Variants in SLC37A2 observed in about 807,000 individuals in gnomAD.
SLC37A2 encodes solute carrier family 37 member 2, also known as glucose-6-phosphate exchanger SLC37A2.
A neutral mutation model predicts 70.7 loss-of-function variants in SLC37A2; 59 were observed. The ratio of observed to expected loss-of-function variants is 0.83; its 90% CI spans 0.68 to 1.04. The LOEUF is 1.04. Ranked by LOEUF, SLC37A2 falls within the 50% of genes least tolerant of loss-of-function variation. The pLI is 0.00. For missense variants in SLC37A2, 580 were observed against 658.1 expected (o/e 0.88, Z 1.30); for synonymous variants, 257 against 262.1 (o/e 0.98, Z 0.19).
intron 1 of SLC37A2, among the ~76,000 whole-genome samples, chr11:125,065,632 A>G (rs920273599): frequency 6.6e-6 from 1 of 152,216 alleles, no homozygotes; most frequent in African/African-American, 2.4e-5. Flanking sequence ...TATTGGCTGC[A>G]TAGAGTGAAC....
intron 12 of SLC37A2, 118 bp downstream of exon 12, chr11:125,084,437 AT>A: frequency 9.4e-7 from 1 of 1,062,450 alleles, no homozygotes; most frequent in Non-Finnish European, 1.4e-6. Context: ...ACGCGTGCAC[AT>A]GCATCATTGT....
Position 125,088,309 on chromosome 11 carries a change from G to C in SLC37A2, c.*175G>C. The C allele has an allele frequency of 1.5e-6, 1 of 683,754 alleles. No homozygotes were observed. The highest frequency in any genetic ancestry group is 2.4e-6 in the Non-Finnish European group (1 of 409,654). The allele number at this position is 683,754 out of a possible 1,614,324, so 42.4% of individuals were successfully genotyped here. A position where few individuals can be genotyped will look rare whatever the true frequency, so the allele number is the denominator to read the frequency against. ...AGGACACAGAGATTCTCCATGGGAA[G>C]GGGACTGCCAAGCATGAGGAAATAG... On this transcript the variant is annotated 3_prime_UTR_variant, in exon 18 of 18. Coordinates refer to ENST00000403796, the MANE Select transcript of SLC37A2 (RefSeq NM_001145290.2).
chr11:125,085,233 G>A (rs1949195071), intron 14 of SLC37A2, 94 bp downstream of exon 14: 57 of 1,384,390 alleles, frequency 4.1e-5, no homozygotes, highest in Admixed American at 7.2e-5. Context: ...CTCCCATCCC[G>A]CAGAGGAGAA....
Position 125,084,227 on chromosome 11 carries a change from G to T in SLC37A2, c.1040-7G>T. 1 of 1,614,226 alleles carries T rather than the reference G, an allele frequency of 6.2e-7. No homozygotes were observed. The highest frequency in any genetic ancestry group is 8.5e-7 in the Non-Finnish European group (1 of 1,180,030). On this transcript the variant is annotated splice_region_variant and splice_polypyrimidine_tract_variant and intron_variant, in intron 11 of 17. Transcript: ENST00000403796. The stretch of plus-strand genomic sequence containing the variant: ...GGAGTCAGTGCGTGAGTGGCTGTGT[G>T]TTCCAGGCGGCATCGTGGCAGGGCT...
rs992332128 is a variant in SLC37A2, at chr11:125,090,140, C to G, written c.*2006C>G. ...GCTCAGGGATTGTAAATACACCCAT[C>G]GGCACTGTGTATCTAGCTCAAGGTT... On this transcript the variant is annotated 3_prime_UTR_variant, in exon 18 of 18. Coordinates refer to ENST00000403796, the MANE Select transcript of SLC37A2 (RefSeq NM_001145290.2). 6.6e-6 allele frequency: 1 copy of G among 151,578 alleles called. No individual in the cohort carries two copies. Among genetic ancestry groups the G allele is most frequent in the Admixed American group, 6.6e-5 (1 of 15,208 alleles). The allele number at this position is 151,578 out of a possible 1,614,324, so 9.4% of individuals were successfully genotyped here.
intron 1 of SLC37A2, among the ~76,000 whole-genome samples, chr11:125,064,203 T>C (rs1400091895): frequency 1.3e-5 from 2 of 152,132 alleles, no homozygotes; most frequent in Non-Finnish European, 2.9e-5. Context: ...TCTTGAACAA[T>C]AGACGACGTG....
chr11:125,078,163 A>G (rs1404710562), intron 4 of SLC37A2, among the ~76,000 whole-genome samples: 1 of 152,228 alleles, frequency 6.6e-6, no homozygotes, highest in Non-Finnish European at 1.5e-5. Flanking sequence ...GGCAGAAGGA[A>G]TAGCACGAGC....
At position 125,070,602 on chromosome 11, in the gene SLC37A2, G is replaced by T. The variant is rs79909849; in HGVS notation, c.60-6155G>T. Reference sequence around the variant, plus strand: ...CTCTCTCAAATCTTACTTTCCTGTTGACTGCAAAGAGGTGCATGGTAAGGG... The same window carrying T: ...CTCTCTCAAATCTTACTTTCCTGTTTACTGCAAAGAGGTGCATGGTAAGGG... On this transcript the variant is annotated intron_variant, in intron 1 of 17. Coordinates refer to ENST00000403796, the MANE Select transcript of SLC37A2 (RefSeq NM_001145290.2). 5.4e-3 allele frequency among the ~76,000 whole-genome samples: 822 copies of T among 152,286 alleles called. 7 individuals are homozygous for T. Among genetic ancestry groups the T allele is most frequent in the African/African-American group, 0.018 (767 of 41,554 alleles).
At chr11:125,071,756 A>AT (rs1032939289) in intron 1 of SLC37A2, among the ~76,000 whole-genome samples, 4 of 150,942 alleles carry the variant, frequency 2.7e-5, no homozygotes, top group African/African-American at 9.8e-5. Context: ...CTTGTGTGCT[A>AT]AAGACCTGGC....
rs561397315 is a variant in SLC37A2 at position 125,090,162 on chromosome 11, G to A, written c.*2028G>A. 60 of 152,178 alleles carry A rather than the reference G, an allele frequency of 3.9e-4. No individual in the cohort carries two copies. The highest frequency in any genetic ancestry group is 1.2e-3 in the African/African-American group (49 of 41,486). The allele number at this position is 152,178 out of a possible 1,614,324, so 9.4% of individuals were successfully genotyped here. ...CATCGGCACTGTGTATCTAGCTCAA[G>A]GTTTATAAACACACCAATCAACACC... On this transcript the variant is annotated 3_prime_UTR_variant, in exon 18 of 18. Coordinates refer to ENST00000403796, the MANE Select transcript of SLC37A2 (RefSeq NM_001145290.2).
intron 17 of SLC37A2, 33 bp downstream of exon 17, chr11:125,086,051 CA>C: frequency 6.2e-7 from 1 of 1,603,126 alleles, no homozygotes; most frequent in Non-Finnish European, 8.5e-7. Context: ...GCCCCTCTAC[CA>C]ACCTCATTTC....
chr11:125,082,050 G>C, intron 9 of SLC37A2, 144 bp downstream of exon 9: 1 of 1,063,674 alleles, frequency 9.4e-7, no homozygotes, highest in East Asian at 2.5e-5. Context: ...CTTGGGGAGG[G>C]CAGTGTGGGA....
At chr11:125,079,662 C>T (rs1471089890) in intron 5 of SLC37A2, 22 bp from the exon 6 acceptor site, 6 of 1,574,286 alleles carry the variant, frequency 3.8e-6, no homozygotes, top group Non-Finnish European at 5.2e-6. Context: ...CTGTTCCCAC[C>T]CTCCCTTCTC....
chr11:125,072,075 C>T (rs1949034998), intron 1 of SLC37A2, among the ~76,000 whole-genome samples: 1 of 152,046 alleles, frequency 6.6e-6, no homozygotes, highest in African/African-American at 2.4e-5. Context: ...CTGTTTCTGA[C>T]ATCTCTCGGG....
intron 1 of SLC37A2, among the ~76,000 whole-genome samples, chr11:125,066,440 T>A (rs76993277): frequency 0.028 from 4,302 of 152,250 alleles, 201 homozygotes; most frequent in African/African-American, 0.098. Context: ...CCCACTCTAT[T>A]CTATAACTGA....
intron 1 of SLC37A2, among the ~76,000 whole-genome samples, chr11:125,073,448 C>T (rs141322148): frequency 2.0e-5 from 3 of 152,352 alleles, no homozygotes; most frequent in Non-Finnish European, 4.4e-5. Flanking sequence ...TTTGGTTCAG[C>T]CCCTGACCCT....
rs1013579132 is a variant in SLC37A2, at chr11:125,081,226, G to C, written c.695-195G>C. ...ACACTGCTGGTTGTTAGGAAAGCCA[G>C]GCCTAGAAAGCTGTCTCCTGAGCCC... On this transcript the variant is annotated intron_variant, in intron 7 of 17. Coordinates refer to ENST00000403796, the MANE Select transcript of SLC37A2 (RefSeq NM_001145290.2). Among the ~76,000 whole-genome samples the C allele has an allele frequency of 6.6e-5, 10 of 152,142 alleles. 1 individual carries two copies. The highest frequency in any genetic ancestry group is 2.4e-4 in the African/African-American group (10 of 41,428).
At chr11:125,064,218 G>A (rs1439689684) in intron 1 of SLC37A2, among the ~76,000 whole-genome samples, 3 of 152,114 alleles carry the variant, frequency 2.0e-5, no homozygotes, top group Non-Finnish European at 2.9e-5. Context: ...GACGTGGACC[G>A]GGCATGGTGG....
intron 13 of SLC37A2, 95 bp from the exon 14 acceptor site, chr11:125,084,971 G>A (rs1949189836): frequency 7.5e-6 from 12 of 1,591,554 alleles, no homozygotes; most frequent in African/African-American, 6.7e-5. Flanking sequence ...AGGTGGAGGG[G>A]CTGGGAGGGC....
Sources: allele counts gnomAD v4.1 joint callset (sites outside exome capture counted in the v4.1 genomes callset), GRCh38; gene constraint gnomAD v4.1.1; transcripts MANE v1.5; gene names NCBI Gene and HGNC (gene_info 2026-07-23, HGNC 2026-07-21).